LUZP2: variants seen among roughly 807,000 people sequenced by gnomAD.
The protein encoded by LUZP2 is leucine zipper protein 2.
Under a neutral mutation model 51.6 loss-of-function variants are expected in LUZP2, and 52 were observed. The observed-to-expected ratio is 1.01, with a 90% CI of 0.81 to 1.27. The LOEUF is 1.27. LUZP2 is among the 50% of genes most tolerant of loss of function. The pLI is 0.00. For missense variants in LUZP2, 436 were observed against 395.4 expected, an observed-to-expected ratio of 1.10 and a Z score of -0.87; for synonymous variants, 154 against 137.3, an observed-to-expected ratio of 1.12 and a Z score of -0.85.
At chr11:24,773,535 G>A (rs1032182479) in intron 5 of LUZP2, among the ~76,000 whole-genome samples, 7 of 152,168 alleles carry the variant, frequency 4.6e-5, no homozygotes, top group Non-Finnish European at 7.4e-5. Context: ...AACTCTGAAG[G>A]ATGAGACAGA....
chr11:24,550,606 T>C (rs1363451844), intron 1 of LUZP2, among the ~76,000 whole-genome samples: 1 of 152,126 alleles, frequency 6.6e-6, no homozygotes, highest in Non-Finnish European at 1.5e-5. Context: ...ATCTTTCTAA[T>C]GGGTTAAAAC....
chr11:24,892,337 T>A lies in LUZP2; in HGVS notation c.397-13654T>A, dbSNP rs368609859. ...TTCTCTGTCTGGCCTCGAAAGACAT[T>A]CAAATTAGCCACCACTGGAGTAGAT... On this transcript the variant is annotated intron_variant, in intron 5 of 11. Transcript: ENST00000336930. The A allele has an allele frequency of 2.2e-4, 216 of 985,384 alleles. No homozygotes were observed. In the African/African-American group the frequency reaches 3.6e-3, roughly 16 times the overall value. 61.0% of individuals were successfully genotyped at this position (985,384 alleles called of 1,614,324 possible).
chr11:24,539,269 G>A (rs1851281691), intron 1 of LUZP2, among the ~76,000 whole-genome samples: 1 of 151,838 alleles, frequency 6.6e-6, no homozygotes, highest in Non-Finnish European at 1.5e-5. Context: ...CCAATTATTT[G>A]TGATAATAGA....
chr11:24,786,040 A>G, intron 5 of LUZP2: 1 of 985,308 alleles, frequency 1.0e-6, no homozygotes, highest in Non-Finnish European at 1.2e-6. Flanking sequence ...ACATCAATGT[A>G]TTAACTCATC....
In LUZP2 at chr11:24,558,118, CCTT is replaced by C. The variant is rs1416481684; in HGVS notation, c.62+60816_62+60818del. On this transcript the variant is annotated intron_variant, in intron 1 of 11. Coordinates refer to ENST00000336930, the MANE Select transcript of LUZP2 (RefSeq NM_001009909.4). ...GCTCTCTCTTCTGGAACAGGACCAT[CCTT>C]CTCCTGCTCTTGGATGTCAAAATTC... is the stretch of plus-strand genomic sequence containing the variant. Among the ~76,000 whole-genome samples the C allele has an allele frequency of 7.2e-5, 11 of 152,248 alleles. No homozygotes were observed. In the East Asian group the frequency reaches 2.1e-3, roughly 29 times the overall value.
intron 5 of LUZP2, among the ~76,000 whole-genome samples, chr11:24,826,811 A>T (rs892858615): frequency 6.6e-6 from 1 of 152,160 alleles, no homozygotes; most frequent in African/African-American, 2.4e-5. Flanking sequence ...TACCTTGTTT[A>T]TTTTAAAATT....
intron 5 of LUZP2, among the ~76,000 whole-genome samples, chr11:24,897,811 GTTAT>G (rs1853131952): frequency 6.6e-6 from 1 of 152,050 alleles, no homozygotes; most frequent in Admixed American, 6.6e-5. Flanking sequence ...TTTTAATGGG[GTTAT>G]TTATTTTTTG....
At chr11:25,018,819 G>A (rs922457671) in intron 9 of LUZP2, among the ~76,000 whole-genome samples, 13 of 152,100 alleles carry the variant, frequency 8.5e-5, no homozygotes, top group African/African-American at 2.9e-4. Context: ...TGTTGGCCAG[G>A]CTTGCCTTGA....
chr11:24,536,746 C>A (rs150817456), intron 1 of LUZP2, among the ~76,000 whole-genome samples: 1 of 151,952 alleles, frequency 6.6e-6, no homozygotes, highest in East Asian at 1.9e-4. Flanking sequence ...TTTTAATTTC[C>A]TTCAAGAACA....
In LUZP2 at chr11:24,677,804, C is replaced by T. The variant is rs189900340; in HGVS notation, c.63-51365C>T. Among the ~76,000 whole-genome samples, 825 of 152,126 alleles carry T rather than the reference C, an allele frequency of 5.4e-3. 8 individuals carry two copies. The highest frequency in any genetic ancestry group is 0.019 in the African/African-American group (787 of 41,514). Reference sequence around the variant, plus strand: ...GTGGCTCGCACCTGTAATCCCAGCACTTTGGGAGGCCGAGGCGGGCCGATC... The same window carrying T: ...GTGGCTCGCACCTGTAATCCCAGCATTTTGGGAGGCCGAGGCGGGCCGATC... On this transcript the variant is annotated intron_variant, in intron 1 of 11. Transcript: ENST00000336930.
intron 1 of LUZP2, among the ~76,000 whole-genome samples, chr11:24,503,682 C>T (rs1229534212): frequency 2.6e-5 from 4 of 152,116 alleles, no homozygotes; most frequent in African/African-American, 4.8e-5. Context: ...AAAACTGAAA[C>T]CCAGGGTGAC....
At chr11:24,693,543 A>G (rs1400516995) in intron 1 of LUZP2, among the ~76,000 whole-genome samples, 2 of 151,992 alleles carry the variant, frequency 1.3e-5, no homozygotes, top group Non-Finnish European at 2.9e-5. Flanking sequence ...AGGAAGTTTT[A>G]TTTTCACACA....
chr11:24,916,484 C>A (rs1030396475), intron 7 of LUZP2, among the ~76,000 whole-genome samples: 1 of 152,010 alleles, frequency 6.6e-6, no homozygotes, highest in African/African-American at 2.4e-5. Context: ...TCCCTCCCCC[C>A]TCCTGCCACC....
intron 1 of LUZP2, among the ~76,000 whole-genome samples, chr11:24,556,923 C>T (rs931234868): frequency 6.6e-6 from 1 of 152,182 alleles, no homozygotes; most frequent in South Asian, 2.1e-4. Flanking sequence ...ATCATTTTGG[C>T]CTCTGGGCTT....
At chr11:24,852,289 G>A (rs956871491) in intron 5 of LUZP2, among the ~76,000 whole-genome samples, 2 of 152,142 alleles carry the variant, frequency 1.3e-5, no homozygotes, top group Non-Finnish European at 2.9e-5. Context: ...GTGTCCCAGA[G>A]ATTCTGGTAC....
At chr11:24,976,976 G>T (rs1376810410) in intron 8 of LUZP2, among the ~76,000 whole-genome samples, 2 of 151,578 alleles carry the variant, frequency 1.3e-5, no homozygotes, top group Admixed American at 1.3e-4. Flanking sequence ...ATCAACTAAG[G>T]CACTATATAT....
At chr11:24,566,711 GTA>G (rs1056012695) in intron 1 of LUZP2, among the ~76,000 whole-genome samples, 1 of 144,388 alleles carries the variant, frequency 6.9e-6, no homozygotes, top group African/African-American at 2.6e-5. Flanking sequence ...ATGTGTGTGT[GTA>G]TATATATGTA....
At chr11:24,837,350 G>T (rs1850890828) in intron 5 of LUZP2, among the ~76,000 whole-genome samples, 1 of 151,610 alleles carries the variant, frequency 6.6e-6, no homozygotes, top group Non-Finnish European at 1.5e-5. Context: ...GTTGTCCAAA[G>T]CCTCTGAACA....
chr11:24,981,712 A>G (rs539539724), intron 8 of LUZP2, among the ~76,000 whole-genome samples: 1 of 152,008 alleles, frequency 6.6e-6, no homozygotes, highest in Non-Finnish European at 1.5e-5. Context: ...GAGTAGAGAT[A>G]TAGGCTAATC....
Sources: gnomAD v4.1 joint callset for allele counts (sites outside exome capture counted in the v4.1 genomes callset) on GRCh38, gnomAD v4.1.1 for gene constraint, MANE v1.5 for transcripts, NCBI Gene and HGNC (gene_info 2026-07-23, HGNC 2026-07-21) for gene names.